IGF2R: variants seen among roughly 807,000 people sequenced by gnomAD.
IGF2R encodes insulin like growth factor 2 receptor.
Under a neutral mutation model 270.6 loss-of-function variants are expected in IGF2R, and 91 were observed. That is an observed-to-expected ratio of 0.34 (90% CI 0.28 to 0.40). The LOEUF is 0.40. Among genes scored for constraint, IGF2R ranks in the 10% least tolerant of loss-of-function variants. The probability of loss-of-function intolerance (pLI) is 1.00; values close to 1 mark genes in which losing one functional copy is unlikely to be tolerated. For synonymous variants in IGF2R, 1,316 were observed against 1,258.9 expected, an observed-to-expected ratio of 1.05 and a Z score of -0.96; for missense variants, 2,805 against 3,188.3, an observed-to-expected ratio of 0.88 and a Z score of 2.90.
chr6:159,969,565 C>T (rs981184844), intron 1 of IGF2R, among the ~76,000 whole-genome samples, 170 bp downstream of exon 1: 32 of 152,096 alleles, frequency 2.1e-4, no homozygotes, highest in African/African-American at 7.2e-4. Flanking sequence ...TCCGCGAGTC[C>T]CGCCGGGTCC....
chr6:160,050,383 T>A lies in IGF2R; in HGVS notation c.2515-90T>A. 1 of 1,266,972 alleles carries A rather than the reference T, an allele frequency of 7.9e-7. No homozygotes were observed. The highest frequency in any genetic ancestry group is 1.1e-6 in the Non-Finnish European group (1 of 901,348). The allele number at this position is 1,266,972 out of a possible 1,614,324, so 78.5% of individuals were successfully genotyped here. On this transcript the variant is annotated intron_variant, in intron 18 of 47. Coordinates refer to ENST00000356956, the MANE Select transcript of IGF2R (RefSeq NM_000876.4). This position sits in a 1 kb window ranked among gnomAD's most constrained non-coding sequence, Gnocchi z 4.0. Reference sequence around the variant, plus strand: ...GTTCTGTATTCAATAATTCATTGTTTGCTGCAGCTTTATAGAATGTAACCA... The same window carrying A: ...GTTCTGTATTCAATAATTCATTGTTAGCTGCAGCTTTATAGAATGTAACCA...
At position 160,072,864 on chromosome 6, in the gene IGF2R, A is replaced by G; in HGVS notation, c.4670A>G (p.Glu1557Gly). ...LVYMSICGEN[E>G]NCPPGVGACF... ...TACATGAGCATCTGTGGGGAGAATGAAAACTGCCCTCCTGGCGTGGGTGAG... is the reference window on the plus strand; with the variant it reads ...TACATGAGCATCTGTGGGGAGAATGGAAACTGCCCTCCTGGCGTGGGTGAG... Residue 1557 changes from glutamate (E) to glycine (G), a missense_variant, in exon 33 of 48, where the codon GAA (glutamate) becomes GGA (glycine). By Grantham distance (98) the Glu-to-Gly change is moderately conservative. Transcript: ENST00000356956. The G allele has an allele frequency of 6.2e-7, 1 of 1,613,762 alleles. No individual in the cohort carries two copies.
intron 14 of IGF2R, 66 bp downstream of exon 14, chr6:160,045,948 A>G (rs1485087730): frequency 7.2e-7 from 1 of 1,380,562 alleles, no homozygotes; most frequent in Non-Finnish European, 9.7e-7. Context: ...TTTCCTTAAC[A>G]TTCTGTGTGA....
rs750730242 is a variant in IGF2R, at chr6:159,991,234, A to G, written c.200A>G (p.Asn67Ser). Reference protein sequence around the residue: ...DTKNNVLYKINICGSVDIVQC... With the variant: ...DTKNNVLYKISICGSVDIVQC... ...AAAAATAATGTACTTTATAAAATCA[A>G]CATCTGTGGAAGTGTGGATATTGTC... Residue 67 changes from asparagine to serine, a missense_variant, in exon 2 of 48, where the codon AAC becomes AGC. Transcript: ENST00000356956. The G allele has an allele frequency of 6.2e-7, 1 of 1,613,566 alleles. No individual in the cohort carries two copies. The highest frequency in any genetic ancestry group is 8.5e-7 in the Non-Finnish European group (1 of 1,179,688).
rs1778118329 is a variant in IGF2R, at chr6:160,048,472, C to T, written c.2443C>T (p.Arg815Trp). The T allele has an allele frequency of 2.5e-6, 4 of 1,614,216 alleles. No homozygotes were observed. Among genetic ancestry groups the T allele is most frequent in the Non-Finnish European group, 3.4e-6 (4 of 1,180,030 alleles). ...TWRKYYINVC[R>W]PLNPVPGCNR... The stretch of plus-strand genomic sequence containing the variant: ...GAGGAAATACTACATTAACGTGTGT[C>T]GGCCTCTGAATCCAGTGCCGGGCTG... The change falls in exon 18 of 48, where the codon CGG becomes TGG. Residue 815 changes from arginine (R) to tryptophan (W), a missense_variant. By Grantham distance (101) the Arg-to-Trp change is moderately radical (BLOSUM62 -3). Around this residue, in one of 2 missense-constraint regions of IGF2R, gnomAD observed 1,851 missense variants for 2,207.2 expected, o/e 0.84. Coordinates refer to ENST00000356956, the MANE Select transcript of IGF2R (RefSeq NM_000876.4).
chr6:159,980,505 A>G (rs1473934185), intron 1 of IGF2R, among the ~76,000 whole-genome samples: 1 of 152,314 alleles, frequency 6.6e-6, no homozygotes, highest in East Asian at 1.9e-4. Context: ...GGAGAGGGGC[A>G]GCCCCAGCTG....
chr6:159,984,836 T>G (rs1040803336), intron 1 of IGF2R, among the ~76,000 whole-genome samples: 2 of 152,210 alleles, frequency 1.3e-5, no homozygotes, highest in African/African-American at 4.8e-5. Context: ...TCTGAAAATA[T>G]GAAGATATTT....
chr6:160,002,691 A>T (rs1004975344), intron 2 of IGF2R, among the ~76,000 whole-genome samples: 1 of 152,170 alleles, frequency 6.6e-6, no homozygotes, highest in African/African-American at 2.4e-5. Context: ...TTATAAATTT[A>T]TGAGTATTAT....
intron 2 of IGF2R, among the ~76,000 whole-genome samples, chr6:159,992,834 A>C (rs1784000021): frequency 6.6e-6 from 1 of 152,134 alleles, no homozygotes; most frequent in African/African-American, 2.4e-5. Context: ...ATAGATCTCT[A>C]TACTGTTTTC....
Position 160,047,289 on chromosome 6 carries a change from A to G in IGF2R, c.2182A>G (p.Thr728Ala), listed in dbSNP as rs1258419770. ...ERHTPRATLI[T>A]FLCDRDAGVG... is the part of the protein sequence containing the mutation. Reference sequence around the variant, plus strand: ...ACACACACCGAGAGCTACGCTCATCACCTTTCTCTGTGATCGAGACGCGGG... The same window carrying G: ...ACACACACCGAGAGCTACGCTCATCGCCTTTCTCTGTGATCGAGACGCGGG... Residue 728 changes from threonine (T) to alanine (A), a missense_variant, in exon 16 of 48, where the codon ACC becomes GCC. This residue lies in a region of IGF2R where 954 missense variants were observed against 981.1 expected (regional missense o/e 0.97). Transcript: ENST00000356956. 5 of 1,611,376 alleles carry G rather than the reference A, an allele frequency of 3.1e-6. No homozygotes were observed. The highest frequency in any genetic ancestry group is 3.3e-4 in the Middle Eastern group (2 of 6,054).
intron 6 of IGF2R, among the ~76,000 whole-genome samples, chr6:160,028,835 T>C (rs1366396016): frequency 6.6e-6 from 1 of 152,182 alleles, no homozygotes. Context: ...TGCCTTTTTT[T>C]TTTTTTAATT....
intron 44 of IGF2R, chr6:160,095,990 C>T (rs1002413410): frequency 1.9e-4 from 29 of 152,738 alleles, no homozygotes; most frequent in East Asian, 7.7e-4. Context: ...GTCAGTTGGA[C>T]TTTGTGATTG....
At chr6:160,016,264 AG>A (rs1777296736) in intron 4 of IGF2R, among the ~76,000 whole-genome samples, 1 of 152,192 alleles carries the variant, frequency 6.6e-6, no homozygotes, top group South Asian at 2.1e-4. Context: ...GATGTGGTAG[AG>A]GCGCCTCTGT....
rs1779051766 is a variant in IGF2R, at chr6:160,084,313, T to A, written c.6068+129T>A. 1.6e-6 allele frequency: 1 copy of A among 641,792 alleles called. No individual in the cohort carries two copies. Among genetic ancestry groups the A allele is most frequent in the African/African-American group, 1.8e-5 (1 of 55,008 alleles). The allele number at this position is 641,792 out of a possible 1,614,324, so 39.8% of individuals were successfully genotyped here. A position where few individuals can be genotyped will look rare whatever the true frequency, so the allele number is the denominator to read the frequency against. On this transcript the variant is annotated intron_variant, in intron 40 of 47. Coordinates refer to ENST00000356956, the MANE Select transcript of IGF2R (RefSeq NM_000876.4). The surrounding 1 kb of genome is among the most constrained non-coding windows in gnomAD (Gnocchi z 4.6). ...ATGCCCATGTGAGGCTGATGGTGGT[T>A]GAGTTGTGACTGTTCCTGGAAGCAG...
chr6:160,069,642 G>A lies in IGF2R; in HGVS notation c.4253-226G>A, dbSNP rs952727057. ...AGCCTAGCTATTCCTCTACACTCAC[G>A]CCCGCCTGCCCCAGTCCATCTGTGA... On this transcript the variant is annotated intron_variant, in intron 30 of 47. Coordinates refer to ENST00000356956, the MANE Select transcript of IGF2R (RefSeq NM_000876.4). Among the ~76,000 whole-genome samples, 8 of 152,172 alleles carry A rather than the reference G, an allele frequency of 5.3e-5. No individual in the cohort carries two copies. In the East Asian group the frequency reaches 1.3e-3, roughly 26 times the overall value.
chr6:160,084,265 T>G lies in IGF2R; in HGVS notation c.6068+81T>G. The G allele has an allele frequency of 1.2e-6, 1 of 845,752 alleles. No individual in the cohort carries two copies. The highest frequency in any genetic ancestry group is 1.7e-5 in the African/African-American group (1 of 60,080). 52.4% of individuals were successfully genotyped at this position (845,752 alleles called of 1,614,324 possible). Reference sequence around the variant, plus strand: ...ACTGCTTGACGATGGTTGGCTCTTTTGGGTTCTCAAGATGGGAATACTATG... The same window carrying G: ...ACTGCTTGACGATGGTTGGCTCTTTGGGGTTCTCAAGATGGGAATACTATG... On this transcript the variant is annotated intron_variant, in intron 40 of 47. Transcript: ENST00000356956. This position sits in a 1 kb window ranked among gnomAD's most constrained non-coding sequence, Gnocchi z 4.6.
At chr6:159,971,162 G>GT (rs542465295) in intron 1 of IGF2R, among the ~76,000 whole-genome samples, 133 of 152,298 alleles carry the variant, frequency 8.7e-4, no homozygotes, top group African/African-American at 3.2e-3. Flanking sequence ...ACAAATTGAA[G>GT]TTTGTTTTCT....
chr6:159,969,701 G>C (rs1240103599), intron 1 of IGF2R, among the ~76,000 whole-genome samples: 1 of 152,144 alleles, frequency 6.6e-6, no homozygotes, highest in Non-Finnish European at 1.5e-5. Context: ...CGGCCCTTGG[G>C]GTCGGCGCCT....
chr6:159,972,481 C>T (rs775664435), intron 1 of IGF2R, among the ~76,000 whole-genome samples: 1 of 152,182 alleles, frequency 6.6e-6, no homozygotes, highest in Non-Finnish European at 1.5e-5. Flanking sequence ...AGAATCCTAG[C>T]CGTAAATTCT....
Sources: allele counts gnomAD v4.1 joint callset (sites outside exome capture counted in the v4.1 genomes callset), GRCh38; gene constraint gnomAD v4.1.1; regional missense constraint gnomAD v4.1.1; non-coding constraint Gnocchi (gnomAD v3.1); transcripts MANE v1.5; gene names NCBI Gene and HGNC (gene_info 2026-07-23, HGNC 2026-07-21).